Variants in DMD observed in about 807,000 individuals in gnomAD.
The protein encoded by DMD is dystrophin.
DMD carries 63 observed loss-of-function variants against 330.1 expected under a neutral mutation model. The observed-to-expected ratio is 0.19, with a 90% confidence interval of 0.16 to 0.24. The LOEUF is 0.24. DMD is among the 10% of genes least tolerant of loss of function. DMD has a pLI of 1.00. For missense variants in DMD, 3,344 were observed against 2,684.1 expected (o/e 1.25, Z -5.43); for synonymous variants, 1,223 against 959.8 (o/e 1.27, Z -5.07).
intron 43 of DMD, among the ~76,000 whole-genome samples, chrX:32,252,451 G>C (rs2097267299): frequency 9.5e-6 from 1 of 105,347 alleles, no homozygotes; most frequent in South Asian, 4.0e-4. Context: ...GCTCCAAAAA[G>C]GCAGAAACAA....
intron 1 of DMD, among the ~76,000 whole-genome samples, chrX:33,299,275 T>A (rs546498036): frequency 9.0e-6 from 1 of 111,493 alleles, no homozygotes; most frequent in Admixed American, 9.6e-5. Flanking sequence ...CCCTGACTTT[T>A]TCTTTTGGTA....
At chrX:32,435,257 T>C (rs2098255566) in intron 29 of DMD, among the ~76,000 whole-genome samples, 1 of 91,967 alleles carries the variant, frequency 1.1e-5, no homozygotes, top group Non-Finnish European at 2.1e-5. Context: ...TATATTTACA[T>C]ATTTTAATAT....
chrX:33,026,665 G>A (rs963669859), intron 1 of DMD, among the ~76,000 whole-genome samples: 14 of 111,309 alleles, frequency 1.3e-4, no homozygotes, highest in African/African-American at 4.6e-4. Flanking sequence ...TTTTTCTACC[G>A]CCTGAGGTGA....
intron 43 of DMD, among the ~76,000 whole-genome samples, chrX:32,271,696 T>C (rs193169505): frequency 3.3e-3 from 370 of 112,489 alleles, no homozygotes; most frequent in Non-Finnish European, 5.0e-3. Flanking sequence ...TAGTGACTAA[T>C]GGATATATTT....
At chrX:32,710,613 C>T (rs900184913) in intron 7 of DMD, among the ~76,000 whole-genome samples, 15 of 110,864 alleles carry the variant, frequency 1.4e-4, no homozygotes, top group African/African-American at 4.9e-4. Flanking sequence ...GGCATACACA[C>T]TACAAAATAG....
intron 60 of DMD, among the ~76,000 whole-genome samples, chrX:31,393,677 T>A (rs1183900650): frequency 9.0e-6 from 1 of 110,913 alleles, no homozygotes; most frequent in Non-Finnish European, 1.9e-5. Flanking sequence ...TCTCATCTAA[T>A]CCTCAGACAA....
intron 67 of DMD, among the ~76,000 whole-genome samples, chrX:31,194,735 T>TGTGGGCAAGGCAGGAGG (rs1388618554): frequency 3.6e-5 from 4 of 112,244 alleles, no homozygotes; most frequent in Non-Finnish European, 5.6e-5. Context: ...GGGAATAGGT[T>TGTGGGCAAGGCAGGAGG]GTGGGCAAGG....
At chrX:31,318,884 G>T (rs184681794) in intron 62 of DMD, among the ~76,000 whole-genome samples, 2 of 112,042 alleles carry the variant, frequency 1.8e-5, no homozygotes, top group African/African-American at 3.2e-5. Flanking sequence ...CAACCACAGC[G>T]TCTTTGAAGG....
In DMD at chrX:31,817,469, G is replaced by GT. The variant is rs1418413514; in HGVS notation, c.7309+2505dup. On this transcript the variant is annotated intron_variant, in intron 50 of 78. Coordinates refer to ENST00000357033, the MANE Select transcript of DMD (RefSeq NM_004006.3). ...CTCTGAATTTAAATGACTACCTTTT[G>GT]TTTTTTTTTTCATTCAACATTTGTG... Among the ~76,000 whole-genome samples the GT allele has an allele frequency of 3.0e-3, 314 of 104,553 alleles. 1 individual carries two copies. Among genetic ancestry groups the GT allele is most frequent in the Middle Eastern group, 4.9e-3 (1 of 206 alleles). The allele number at this position is 104,553 out of a possible 115,157, so 90.8% of individuals were successfully genotyped here. A position where few individuals can be genotyped will look rare whatever the true frequency, so the allele number is the denominator to read the frequency against.
At chrX:32,828,318 C>A (rs1241731109) in intron 4 of DMD, among the ~76,000 whole-genome samples, 1 of 111,008 alleles carries the variant, frequency 9.0e-6, no homozygotes, top group Non-Finnish European at 1.9e-5. Context: ...TCCACAATGG[C>A]AGAATTGATT....
intron 2 of DMD, among the ~76,000 whole-genome samples, chrX:32,988,103 T>C (rs1315738679): frequency 9.0e-6 from 1 of 110,953 alleles, no homozygotes; most frequent in Non-Finnish European, 1.9e-5. Flanking sequence ...CTTGTGTGTG[T>C]GCACAACCAC....
intron 17 of DMD, among the ~76,000 whole-genome samples, chrX:32,529,349 G>A (rs1266451414): frequency 9.8e-6 from 1 of 102,479 alleles, no homozygotes; most frequent in Non-Finnish European, 2.0e-5. Context: ...TGTGTCACAG[G>A]CGCGCGAATT....
At chrX:33,310,826 C>A (rs1006164136) in intron 1 of DMD, among the ~76,000 whole-genome samples, 2 of 110,466 alleles carry the variant, frequency 1.8e-5, no homozygotes, top group African/African-American at 6.5e-5. Context: ...TCAAGATGTC[C>A]CTAAAACATT....
intron 44 of DMD, among the ~76,000 whole-genome samples, chrX:32,196,781 C>T (rs750527921): frequency 6.4e-5 from 7 of 109,492 alleles, no homozygotes; most frequent in East Asian, 5.8e-4. Context: ...GTCAGGAGAT[C>T]GAGACCATCC....
At chrX:32,967,187 A>T (rs2092194435) in intron 2 of DMD, among the ~76,000 whole-genome samples, 1 of 111,527 alleles carries the variant, frequency 9.0e-6, no homozygotes, top group South Asian at 3.8e-4. Context: ...CAGCCAGTCC[A>T]TTGCTCAATG....
At chrX:33,283,179 G>A (rs780133696) in intron 1 of DMD, among the ~76,000 whole-genome samples, 5 of 112,274 alleles carry the variant, frequency 4.5e-5, no homozygotes, top group Admixed American at 1.9e-4. Context: ...ACCATGCTGC[G>A]TGTAGAGTAG....
In DMD at chrX:33,319,388, G is replaced by A. The variant is rs1324096303; in HGVS notation, c.7+19871C>T. On this transcript the variant is annotated intron_variant, in intron 1 of 17. Coordinates refer to the DMD transcript ENST00000288447. ...GGTGGGATAATGAACAGAGTCATAA[G>A]TATAATGTATTTAGAAATCTGGGAT... Among the ~76,000 whole-genome samples the A allele has an allele frequency of 4.5e-5, 5 of 111,237 alleles. No individual in the cohort carries two copies. In the East Asian group the frequency reaches 1.1e-3, roughly 25 times the overall value.
At chrX:31,737,003 G>A (rs2086920757) in intron 51 of DMD, among the ~76,000 whole-genome samples, 1 of 111,946 alleles carries the variant, frequency 8.9e-6, no homozygotes. Flanking sequence ...CCATTTCATA[G>A]TAAGAACAAT....
intron 9 of DMD, among the ~76,000 whole-genome samples, chrX:32,697,185 C>T (rs2063720249): frequency 1.8e-5 from 2 of 111,695 alleles, no homozygotes; most frequent in African/African-American, 6.5e-5. Context: ...CACGCTGTAA[C>T]ATTTATAAGG....
Sources: allele counts gnomAD v4.1 joint callset (sites outside exome capture counted in the v4.1 genomes callset), GRCh38; gene constraint gnomAD v4.1.1; transcripts MANE v1.5; gene names NCBI Gene and HGNC (gene_info 2026-07-23, HGNC 2026-07-21).